The following CSGALNACT1 variants were observed in gnomAD, a reference collection of about 807,000 sequenced individuals.
The protein encoded by CSGALNACT1 is chondroitin sulfate N-acetylgalactosaminyltransferase 1, also known as beta4GalNAcT-1.
Under a neutral mutation model 51.0 loss-of-function variants are expected in CSGALNACT1, and 52 were observed. The ratio of observed to expected loss-of-function variants is 1.02; its 90% CI spans 0.82 to 1.29. The LOEUF (loss-of-function observed/expected upper bound fraction) is 1.29. Among genes scored for constraint, CSGALNACT1 ranks in the 50% most tolerant of loss-of-function variants. CSGALNACT1 has a pLI of 0.00. For synonymous variants in CSGALNACT1, 341 were observed against 254.4 expected (o/e 1.34, Z -3.24); for missense variants, 935 against 679.2 (o/e 1.38, Z -4.19).
chr8:19,475,294 C>G (rs539015661), intron 4 of CSGALNACT1, among the ~76,000 whole-genome samples: 1 of 152,136 alleles, frequency 6.6e-6, no homozygotes, highest in Non-Finnish European at 1.5e-5. Flanking sequence ...AGCTGAAGGG[C>G]CAAGAAGGCA....
At chr8:19,596,849 C>T (rs1279578513) in intron 2 of CSGALNACT1, among the ~76,000 whole-genome samples, 2 of 151,654 alleles carry the variant, frequency 1.3e-5, no homozygotes, top group Non-Finnish European at 2.9e-5. Flanking sequence ...TGAAATTTAC[C>T]ATCTTAACCA....
At chr8:19,629,204 C>T (rs374052030) in intron 1 of CSGALNACT1, among the ~76,000 whole-genome samples, 8 of 152,136 alleles carry the variant, frequency 5.3e-5, no homozygotes, top group African/African-American at 1.2e-4. Flanking sequence ...TCGAAAAAAA[C>T]CGTTTAGTTT....
At chr8:19,701,152 C>CATTTTTTT (rs1230956394) in intron 1 of CSGALNACT1, among the ~76,000 whole-genome samples, 1 of 54,318 alleles carries the variant, frequency 1.8e-5, no homozygotes, top group Non-Finnish European at 4.0e-5. Flanking sequence ...ATCTATTATC[C>CATTTTTTT]GTTTTTTTTT....
intron 3 of CSGALNACT1, among the ~76,000 whole-genome samples, chr8:19,568,548 T>C (rs17480272): frequency 0.13 from 19,333 of 152,192 alleles, 1,438 homozygotes; most frequent in Non-Finnish European, 0.17. Flanking sequence ...TGGATTTCCA[T>C]ACTCAGTACT....
chr8:19,656,491 G>A lies in CSGALNACT1; in HGVS notation c.-544+25982C>T, dbSNP rs931563275. On this transcript the variant is annotated intron_variant, in intron 1 of 9. Coordinates refer to the CSGALNACT1 transcript ENST00000332246. ...CACCTTCGATCTTGACCTCAAAGAG[G>A]CCCCACAGGTAAATATTCAGGAAAC... 2.6e-5 allele frequency among the ~76,000 whole-genome samples: 4 copies of A among 151,452 alleles called. No individual in the cohort carries two copies. In the East Asian group the frequency reaches 5.8e-4, roughly 22 times the overall value.
chr8:19,650,533 C>T (rs1257811356), intron 1 of CSGALNACT1, among the ~76,000 whole-genome samples: 3 of 152,016 alleles, frequency 2.0e-5, no homozygotes, highest in Non-Finnish European at 4.4e-5. Context: ...CAATGGGCAC[C>T]AACAATATGC....
intron 1 of CSGALNACT1, among the ~76,000 whole-genome samples, chr8:19,755,068 T>C (rs1000483511): frequency 6.6e-6 from 1 of 152,228 alleles, no homozygotes; most frequent in Non-Finnish European, 1.5e-5. Context: ...AATATTTATT[T>C]AGTCCTTATG....
At chr8:19,418,508 G>A in intron 8 of CSGALNACT1, 148 bp downstream of exon 7, 1 of 706,736 alleles carries the variant, frequency 1.4e-6, no homozygotes, top group South Asian at 1.5e-5. Context: ...GGCGCCGGGA[G>A]CAGAGGCCAG....
chr8:19,690,242 T>C (rs1277974398), intron 1 of CSGALNACT1, among the ~76,000 whole-genome samples: 1 of 152,262 alleles, frequency 6.6e-6, no homozygotes, highest in African/African-American at 2.4e-5. Context: ...GATATAATTT[T>C]ACCTCTTTTC....
At chr8:19,439,141 C>T (rs1277191673) in intron 6 of CSGALNACT1, among the ~76,000 whole-genome samples, 2 of 152,186 alleles carry the variant, frequency 1.3e-5, no homozygotes, top group East Asian at 3.9e-4. Context: ...TAGAAGATGC[C>T]ATGGGGATTA....
chr8:19,557,139 CA>C (rs2039646245), intron 3 of CSGALNACT1, among the ~76,000 whole-genome samples: 1 of 152,122 alleles, frequency 6.6e-6, no homozygotes, highest in Non-Finnish European at 1.5e-5. Context: ...ACCCCAGATC[CA>C]ATTCTGTAAA....
chr8:19,624,900 A>G (rs1389009412), intron 1 of CSGALNACT1, among the ~76,000 whole-genome samples: 1 of 152,048 alleles, frequency 6.6e-6, no homozygotes, highest in Non-Finnish European at 1.5e-5. Context: ...GATGGTCTCA[A>G]TCTCCTGACC....
exon 4 of CSGALNACT1, chr8:19,505,704 G>T (rs1344359200): frequency 6.2e-7 from 1 of 1,614,052 alleles, no homozygotes; most frequent in African/African-American, 1.3e-5. Context: ...CCTGGGCAGT[G>T]CCAGCTGCTC....
exon 1 of CSGALNACT1, chr8:19,602,392 G>T (rs561713175): frequency 6.5e-6 from 1 of 153,058 alleles, no homozygotes; most frequent in African/African-American, 2.4e-5. Flanking sequence ...GAGAAGGTAA[G>T]AGCGCACACG....
intron 5 of CSGALNACT1, 144 bp downstream of exon 4, chr8:19,458,282 A>T (rs1466466802): frequency 1.2e-6 from 1 of 827,872 alleles, no homozygotes; most frequent in Non-Finnish European, 2.1e-6. Flanking sequence ...TACAAATGAT[A>T]AACTTTACGT....
intron 1 of CSGALNACT1, among the ~76,000 whole-genome samples, chr8:19,676,608 T>G (rs1341306662): frequency 6.6e-6 from 1 of 152,150 alleles, no homozygotes; most frequent in Non-Finnish European, 1.5e-5. Context: ...ACATGCTGTG[T>G]AGTATAAGAA....
At chr8:19,458,940 C>T (rs1414142121) in intron 4 of CSGALNACT1, among the ~76,000 whole-genome samples, 1 of 152,100 alleles carries the variant, frequency 6.6e-6, no homozygotes. Context: ...TTTTAGGAAA[C>T]AGGCCAAAAT....
intron 2 of CSGALNACT1, among the ~76,000 whole-genome samples, chr8:19,592,077 T>G (rs1256905485): frequency 6.6e-6 from 1 of 152,028 alleles, no homozygotes; most frequent in African/African-American, 2.4e-5. Flanking sequence ...AAAAAAAGAT[T>G]GTGTACTTCA....
At chr8:19,739,818 T>A (rs1480357078) in intron 1 of CSGALNACT1, among the ~76,000 whole-genome samples, 1 of 152,220 alleles carries the variant, frequency 6.6e-6, no homozygotes, top group Non-Finnish European at 1.5e-5. Flanking sequence ...ATTCCCAAAT[T>A]GCCTACTTCT....
Sources: gnomAD v4.1 joint callset for allele counts (sites outside exome capture counted in the v4.1 genomes callset) on GRCh38, gnomAD v4.1.1 for gene constraint, MANE v1.5 for transcripts, NCBI Gene and HGNC (gene_info 2026-07-23, HGNC 2026-07-21) for gene names.